The following RAVER1 variants were observed in gnomAD, a reference collection of about 807,000 sequenced individuals.
RAVER1 encodes ribonucleoprotein, PTB binding 1.
RAVER1 carries 36 observed loss-of-function variants against 68.4 expected under a neutral mutation model. That is an observed-to-expected ratio of 0.53 (90% CI 0.40 to 0.70). The LOEUF is 0.70. RAVER1 is among the 30% of genes least tolerant of loss of function. RAVER1 has a pLI of 0.00. For missense variants in RAVER1, 933 were observed against 1,019.8 expected (o/e 0.91, Z 1.16); for synonymous variants, 469 against 472.7 (o/e 0.99, Z 0.10).
intron 3 of RAVER1, among the ~76,000 whole-genome samples, chr19:10,327,455 A>G (rs909365740): frequency 8.3e-5 from 12 of 145,372 alleles, no homozygotes; most frequent in African/African-American, 3.1e-4. Flanking sequence ...ATTTCACCAT[A>G]TTGCCCAGGC....
Position 10,328,963 on chromosome 19 carries a change from C to T in RAVER1, c.435G>A (p.Gln145=), listed in dbSNP as rs1462935399. Residue 145 remains glutamine, a synonymous_variant, in exon 3 of 13, where the codon CAG becomes CAA. Transcript: ENST00000617231. The surrounding 1 kb of genome is among the most constrained non-coding windows in gnomAD (Gnocchi z 4.4). ...GCCGCACCAGCTCCTCGAACTGCTG[C>T]TGTGTGAGGCTGGGGGGCAGGTTGG... ...CVANLPPSLT[Q]QQFEELVRPF... 1.9e-6 allele frequency: 3 copies of T among 1,600,814 alleles called. No homozygotes were observed. The highest frequency in any genetic ancestry group is 2.6e-6 in the Non-Finnish European group (3 of 1,171,444).
rs2040447256 is a variant in RAVER1, at chr19:10,322,730, C to A, written c.1088G>T (p.Gly363Val). ...GSAGGKQGLL[G>V]APPAMPLLNG... is the part of the protein sequence containing the mutation. ...GAGCAGCGGCATGGCTGGGGGGGCA[C>A]CCAGGAGGCCTGGAGGGAGACATAG... Residue 363 changes from glycine to valine, a missense_variant, in exon 6 of 13, where the codon GGT becomes GTT. Transcript: ENST00000617231. The surrounding 1 kb of genome is among the most constrained non-coding windows in gnomAD (Gnocchi z 4.3). 1.3e-6 allele frequency: 2 copies of A among 1,501,234 alleles called. No homozygotes were observed. The highest frequency in any genetic ancestry group is 1.8e-6 in the Non-Finnish European group (2 of 1,134,798). 93.0% of individuals were successfully genotyped at this position (1,501,234 alleles called of 1,614,324 possible). A position where few individuals can be genotyped will look rare whatever the true frequency, so the allele number is the denominator to read the frequency against.
intron 3 of RAVER1, among the ~76,000 whole-genome samples, chr19:10,325,202 T>G (rs1364211993): frequency 1.3e-5 from 2 of 151,972 alleles, no homozygotes; most frequent in African/African-American, 4.8e-5. Flanking sequence ...TTTTCTATTT[T>G]TAATAGAGAC....
In RAVER1 at chr19:10,323,938, C is replaced by A. The variant is rs927167819; in HGVS notation, c.757-372G>T. Among the ~76,000 whole-genome samples, 1 of 152,022 alleles carries A rather than the reference C, an allele frequency of 6.6e-6. No homozygotes were observed. The highest frequency in any genetic ancestry group is 1.5e-5 in the Non-Finnish European group (1 of 68,010). On this transcript the variant is annotated intron_variant, in intron 3 of 12. Transcript: ENST00000617231. This position sits in a 1 kb window ranked among gnomAD's most constrained non-coding sequence, Gnocchi z 6.2. The stretch of plus-strand genomic sequence containing the variant: ...CCGAGGCGGGCAGATAACCTGAGGT[C>A]GGGAGTTCGAGACCAGCCTGACCAA...
chr19:10,319,771 A>G (rs1469580007), intron 9 of RAVER1, among the ~76,000 whole-genome samples: 2 of 147,288 alleles, frequency 1.4e-5, no homozygotes, highest in Admixed American at 6.9e-5. Context: ...AGTATAAAAC[A>G]TAAATTATAT....
chr19:10,325,561 C>A (rs1385532525), intron 3 of RAVER1, among the ~76,000 whole-genome samples: 1 of 151,914 alleles, frequency 6.6e-6, no homozygotes, highest in Non-Finnish European at 1.5e-5. Flanking sequence ...AGGCTGGTTT[C>A]GAACTCCTGA....
rs774087210 is a variant in RAVER1 at position 10,317,692 on chromosome 19, T to G, written c.2071A>C (p.Lys691Gln). Residue 691 changes from lysine to glutamine, a missense_variant and splice_region_variant, in exon 12 of 13, where the codon AAG (lysine) becomes CAG (glutamine). Coordinates refer to ENST00000617231, the MANE Select transcript of RAVER1 (RefSeq NM_133452.3). The surrounding 1 kb of genome is among the most constrained non-coding windows in gnomAD (Gnocchi z 4.3). Reference protein sequence around the residue: ...PGPNGHSHLLKTPLGGQKRSF... With the variant: ...PGPNGHSHLLQTPLGGQKRSF... ...ATGTCCCCACCCCCTGCCCGTACCT[T>G]CAGCAGGTGGCTGTGACCATTAGGC... 1.9e-6 allele frequency: 3 copies of G among 1,582,538 alleles called. No homozygotes were observed. In the South Asian group the frequency reaches 3.4e-5, roughly 18 times the overall value.
chr19:10,326,787 G>C (rs1185911992), intron 3 of RAVER1, among the ~76,000 whole-genome samples: 1 of 132,674 alleles, frequency 7.5e-6, no homozygotes, highest in Non-Finnish European at 1.6e-5. Flanking sequence ...CTGTTTTTGA[G>C]ATGCAGTGTT....
Position 10,329,144 on chromosome 19 carries a change from C to T in RAVER1, c.287-33G>A, listed in dbSNP as rs561569391. ...GGGAGGAGGGCAGTGCGAGGTCAGC[C>T]GGGCCCTGAGGGCCTGCCCCTCCAC... On this transcript the variant is annotated intron_variant, in intron 2 of 12. Transcript: ENST00000617231. The surrounding 1 kb of genome is among the most constrained non-coding windows in gnomAD (Gnocchi z 4.6). 65 of 1,369,282 alleles carry T rather than the reference C, an allele frequency of 4.7e-5. No individual in the cohort carries two copies. Among genetic ancestry groups the T allele is most frequent in the Admixed American group, 1.2e-4 (4 of 34,634 alleles). 84.8% of individuals were successfully genotyped at this position (1,369,282 alleles called of 1,614,324 possible). A position where few individuals can be genotyped will look rare whatever the true frequency, so the allele number is the denominator to read the frequency against.
Position 10,329,766 on chromosome 19 carries a change from C to T in RAVER1, c.287-655G>A, listed in dbSNP as rs1216017535. Among the ~76,000 whole-genome samples, 1 of 152,172 alleles carries T rather than the reference C, an allele frequency of 6.6e-6. No individual in the cohort carries two copies. Among genetic ancestry groups the T allele is most frequent in the Non-Finnish European group, 1.5e-5 (1 of 68,022 alleles). On this transcript the variant is annotated intron_variant, in intron 2 of 12. Coordinates refer to ENST00000617231, the MANE Select transcript of RAVER1 (RefSeq NM_133452.3). The surrounding 1 kb of genome is among the most constrained non-coding windows in gnomAD (Gnocchi z 4.6). ...CGATCACGCCACATCCATCTTGTGG[C>T]TTCTAGCTGCAGGGTGCAGTGCAGC...
In RAVER1 at chr19:10,328,626, T is replaced by C. The variant is rs1283565797; in HGVS notation, c.756+16A>G. The C allele has an allele frequency of 6.6e-7, 1 of 1,525,934 alleles. No homozygotes were observed. The highest frequency in any genetic ancestry group is 8.9e-7 in the Non-Finnish European group (1 of 1,127,448). The allele number at this position is 1,525,934 out of a possible 1,614,324, so 94.5% of individuals were successfully genotyped here. On this transcript the variant is annotated intron_variant, in intron 3 of 12. Coordinates refer to ENST00000617231, the MANE Select transcript of RAVER1 (RefSeq NM_133452.3). This position sits in a 1 kb window ranked among gnomAD's most constrained non-coding sequence, Gnocchi z 4.4. The stretch of plus-strand genomic sequence containing the variant: ...GGGCCTGGCACCTGCTCCCCAATGC[T>C]CTCCACAGGGCTCACCTGGCAGAAG...
intron 8 of RAVER1, 47 bp from the exon 9 acceptor site, chr19:10,320,998 C>A: frequency 6.7e-7 from 1 of 1,481,576 alleles, no homozygotes. Flanking sequence ...GAGAGGGAAC[C>A]CTGCGGAACA....
intron 9 of RAVER1, among the ~76,000 whole-genome samples, chr19:10,320,418 C>T (rs575502437): frequency 3.9e-4 from 58 of 150,436 alleles, no homozygotes; most frequent in Middle Eastern, 3.5e-3. Context: ...GTGTGAGGAT[C>T]GCTTGAGCCC....
rs932731591 is a variant in RAVER1, at chr19:10,317,539, G to A, written c.2135C>T (p.Pro712Leu). 1.2e-6 allele frequency: 2 copies of A among 1,613,582 alleles called. No individual in the cohort carries two copies. The highest frequency in any genetic ancestry group is 1.1e-5 in the South Asian group (1 of 91,072). The change falls in exon 13 of 13, where the codon CCA (proline) becomes CTA (leucine). Residue 712 changes from proline (P) to leucine (L), a missense_variant. This residue lies in a region of RAVER1 where 699 missense variants were observed against 731.1 expected (regional missense o/e 0.96). Transcript: ENST00000617231. The surrounding 1 kb of genome is among the most constrained non-coding windows in gnomAD (Gnocchi z 4.3). ...AHLLPSPEPS[P>L]EGSYVGQHSQ... ...GTGCTGGCCCACATAGCTGCCTTCT[G>A]GGCTGGGCTCGGGCGAGGGCAGCAG...
At chr19:10,330,181 G>A (rs1212910966) in intron 2 of RAVER1, among the ~76,000 whole-genome samples, 2 of 152,042 alleles carry the variant, frequency 1.3e-5, no homozygotes, top group Non-Finnish European at 2.9e-5. Flanking sequence ...GGCAAGAGGG[G>A]TAAGAAGAGA....
intron 1 of RAVER1, 100 bp from the exon 2 acceptor site, chr19:10,330,626 T>C (rs1399992437): frequency 1.7e-5 from 11 of 646,488 alleles, no homozygotes; most frequent in Non-Finnish European, 2.6e-5. Flanking sequence ...GCAGGTCAAT[T>C]ACCACCCCCC....
In RAVER1 at chr19:10,329,648, C is replaced by T. The variant is rs1185393656; in HGVS notation, c.287-537G>A. Reference sequence around the variant, plus strand: ...CTCTACACACTGCCCACCCCTGCCACCTTTCCAGGCCACCAGTGCCCCTGA... The same window carrying T: ...CTCTACACACTGCCCACCCCTGCCATCTTTCCAGGCCACCAGTGCCCCTGA... On this transcript the variant is annotated intron_variant, in intron 2 of 12. Coordinates refer to ENST00000617231, the MANE Select transcript of RAVER1 (RefSeq NM_133452.3). The surrounding 1 kb of genome is among the most constrained non-coding windows in gnomAD (Gnocchi z 4.6). Among the ~76,000 whole-genome samples, 1 of 151,758 alleles carries T rather than the reference C, an allele frequency of 6.6e-6. No homozygotes were observed. Among genetic ancestry groups the T allele is most frequent in the Non-Finnish European group, 1.5e-5 (1 of 67,714 alleles).
Position 10,316,328 on chromosome 19 carries a change from G to T in RAVER1, c.*1126C>A, listed in dbSNP as rs1164194589. 5.3e-6 allele frequency: 6 copies of T among 1,141,884 alleles called. No individual in the cohort carries two copies. In the African/African-American group the frequency reaches 1.0e-4, roughly 19 times the overall value. 70.7% of individuals were successfully genotyped at this position (1,141,884 alleles called of 1,614,324 possible). ...TGGATGTGGACCCCCAGAGTCAAGG[G>T]AGGGAAGCTGGTGGCCCAGTTGGCT... is the stretch of plus-strand genomic sequence containing the variant. On this transcript the variant is annotated 3_prime_UTR_variant, in exon 13 of 13. Transcript: ENST00000617231.
Position 10,323,358 on chromosome 19 carries a change from T to C in RAVER1, c.948+17A>G, listed in dbSNP as rs568733455. 2.0e-5 allele frequency: 32 copies of C among 1,606,344 alleles called. No homozygotes were observed. The African/African-American group carries it at 2.7e-4, about 13-fold the overall frequency. The stretch of plus-strand genomic sequence containing the variant: ...GCTCCCATCCCCACCCCGCCACCTC[T>C]GCCCGCACAGGCTCACCGTGGCCTG... On this transcript the variant is annotated intron_variant, in intron 4 of 12. Transcript: ENST00000617231. The surrounding 1 kb of genome is among the most constrained non-coding windows in gnomAD (Gnocchi z 6.2).
Sources: allele counts gnomAD v4.1 joint callset (sites outside exome capture counted in the v4.1 genomes callset), GRCh38; gene constraint gnomAD v4.1.1; regional missense constraint gnomAD v4.1.1; non-coding constraint Gnocchi (gnomAD v3.1); transcripts MANE v1.5; gene names NCBI Gene and HGNC (gene_info 2026-07-23, HGNC 2026-07-21).